CREB5: variants seen among roughly 807,000 people sequenced by gnomAD.
The protein encoded by CREB5 is cyclic AMP-responsive element-binding protein 5.
CREB5 carries 19 observed loss-of-function variants against 57.1 expected under a neutral mutation model. That is an observed-to-expected ratio of 0.33 (90% CI 0.23 to 0.49). CREB5 has a LOEUF of 0.49. Ranked by LOEUF, CREB5 falls within the 20% of genes least tolerant of loss-of-function variation. CREB5 has a pLI of 0.99. For synonymous variants in CREB5, 238 were observed against 238.3 expected (o/e 1.00, Z 0.01); for missense variants, 579 against 671.6 (o/e 0.86, Z 1.52).
chr7:28,643,669 C>G (rs1277384364), intron 5 of CREB5, among the ~76,000 whole-genome samples: 2 of 151,616 alleles, frequency 1.3e-5, no homozygotes, highest in African/African-American at 2.4e-5. Flanking sequence ...CCACAATCAC[C>G]ATCACTACTT....
chr7:28,796,644 TC>T (rs1418375315), intron 7 of CREB5, among the ~76,000 whole-genome samples: 9 of 152,234 alleles, frequency 5.9e-5, no homozygotes, highest in African/African-American at 2.2e-4. Context: ...CTGTTGTTTT[TC>T]TGAAGTTCTC....
chr7:28,584,142 G>A (rs1007500189), intron 5 of CREB5, among the ~76,000 whole-genome samples: 3 of 152,130 alleles, frequency 2.0e-5, no homozygotes, highest in Non-Finnish European at 2.9e-5. Flanking sequence ...GACTTCCTGA[G>A]GCCTCCTTCT....
chr7:28,535,961 T>G (rs1459782308), intron 4 of CREB5, among the ~76,000 whole-genome samples: 1 of 152,128 alleles, frequency 6.6e-6, no homozygotes, highest in Admixed American at 6.6e-5. Context: ...ACAACTTAAT[T>G]AAAACACATC....
intron 4 of CREB5, among the ~76,000 whole-genome samples, chr7:28,556,693 T>C (rs1432484157): frequency 6.6e-6 from 1 of 152,192 alleles, no homozygotes; most frequent in East Asian, 1.9e-4. Context: ...TCCAAGCCCA[T>C]TCTGTCCCTT....
chr7:28,312,512 G>C lies in CREB5; in HGVS notation c.-25+13071G>C, dbSNP rs192705997. On this transcript the variant is annotated intron_variant, in intron 1 of 9. Coordinates refer to the CREB5 transcript ENST00000396299. ...GCAGAAAGTCTCTGGTGTACAAAGG[G>C]GGAGGGAAGCGGGTGGAGGCGAAGG... is the stretch of plus-strand genomic sequence containing the variant. Among the ~76,000 whole-genome samples the C allele has an allele frequency of 3.2e-3, 483 of 152,286 alleles. 2 individuals carry two copies. Among genetic ancestry groups the C allele is most frequent in the African/African-American group, 0.011 (461 of 41,554 alleles).
chr7:28,661,135 T>G (rs1799594933), intron 5 of CREB5, among the ~76,000 whole-genome samples: 1 of 152,102 alleles, frequency 6.6e-6, no homozygotes, highest in Non-Finnish European at 1.5e-5. Context: ...TCAAGGATCT[T>G]GTTGTCTCTT....
chr7:28,366,097 C>T (rs1181827694), intron 1 of CREB5, among the ~76,000 whole-genome samples: 2 of 152,088 alleles, frequency 1.3e-5, no homozygotes, highest in Non-Finnish European at 2.9e-5. Flanking sequence ...TACATTGTTT[C>T]CTTTTTCCTT....
At chr7:28,762,422 A>G (rs551101649) in intron 7 of CREB5, among the ~76,000 whole-genome samples, 2 of 152,240 alleles carry the variant, frequency 1.3e-5, no homozygotes, top group Admixed American at 6.5e-5. Flanking sequence ...TAACTTTATT[A>G]TTTGCTGCTG....
intron 4 of CREB5, among the ~76,000 whole-genome samples, chr7:28,565,102 C>T (rs1211033427): frequency 6.6e-6 from 1 of 152,178 alleles, no homozygotes; most frequent in East Asian, 1.9e-4. Context: ...ACTCCCAAGC[C>T]TGTATATTTT....
chr7:28,565,404 A>G (rs569076588), intron 4 of CREB5, among the ~76,000 whole-genome samples: 4 of 152,286 alleles, frequency 2.6e-5, no homozygotes, highest in South Asian at 4.1e-4. Flanking sequence ...CCTTGAAAGT[A>G]TCACCCCATT....
At chr7:28,380,726 A>G (rs1002170649) in intron 1 of CREB5, among the ~76,000 whole-genome samples, 11 of 152,160 alleles carry the variant, frequency 7.2e-5, no homozygotes, top group Admixed American at 5.2e-4. Flanking sequence ...CACTGAAGGA[A>G]GCTGTCACCA....
At chr7:28,564,367 A>C (rs17156849) in intron 4 of CREB5, among the ~76,000 whole-genome samples, 2 of 152,170 alleles carry the variant, frequency 1.3e-5, no homozygotes, top group Non-Finnish European at 2.9e-5. Flanking sequence ...TTCACTTTCA[A>C]TTGTGGTCCA....
rs1285391404 is a variant in CREB5, at chr7:28,718,640, A to C, written c.465-113A>C. On this transcript the variant is annotated intron_variant, in intron 5 of 10. Transcript: ENST00000357727. Reference sequence around the variant, plus strand: ...TCCTCAATTATGTGACTCTCCCATCAGTGGATCTGATCTGCTGCACATGTG... The same window carrying C: ...TCCTCAATTATGTGACTCTCCCATCCGTGGATCTGATCTGCTGCACATGTG... 11 of 1,390,938 alleles carry C rather than the reference A, an allele frequency of 7.9e-6. No homozygotes were observed. The East Asian group carries it at 2.1e-4, about 27-fold the overall frequency. The allele number at this position is 1,390,938 out of a possible 1,614,324, so 86.2% of individuals were successfully genotyped here. A position where few individuals can be genotyped will look rare whatever the true frequency, so the allele number is the denominator to read the frequency against.
intron 1 of CREB5, among the ~76,000 whole-genome samples, chr7:28,302,206 A>T (rs948871371): frequency 1.3e-5 from 2 of 152,234 alleles, no homozygotes; most frequent in Non-Finnish European, 2.9e-5. Context: ...TTAAAGCACC[A>T]AATAAATAGC....
At chr7:28,742,928 G>A (rs1804456309) in intron 7 of CREB5, among the ~76,000 whole-genome samples, 1 of 152,040 alleles carries the variant, frequency 6.6e-6, no homozygotes, top group Non-Finnish European at 1.5e-5. Context: ...GATTACAGGT[G>A]TGCACCACCA....
chr7:28,661,267 C>T (rs1357185892), intron 5 of CREB5, among the ~76,000 whole-genome samples: 1 of 152,206 alleles, frequency 6.6e-6, no homozygotes, highest in Non-Finnish European at 1.5e-5. Flanking sequence ...TCCCCTGGTA[C>T]AGCCCACTCT....
At chr7:28,786,459 GC>G (rs1807333702) in intron 7 of CREB5, among the ~76,000 whole-genome samples, 1 of 152,106 alleles carries the variant, frequency 6.6e-6, no homozygotes, top group African/African-American at 2.4e-5. Flanking sequence ...TGTTGGCCAG[GC>G]TGGTCTCAAA....
chr7:28,668,641 G>A (rs17157006), intron 5 of CREB5, among the ~76,000 whole-genome samples: 1,653 of 152,232 alleles, frequency 0.011, 29 homozygotes, highest in African/African-American at 0.038. Flanking sequence ...AAAGGGTTAG[G>A]TTTTCTTCTA....
At chr7:28,306,546 GTTT>G in intron 1 of CREB5, among the ~76,000 whole-genome samples, 1 of 93,518 alleles carries the variant, frequency 1.1e-5, no homozygotes, top group African/African-American at 5.0e-5. Flanking sequence ...ATACAGTTTT[GTTT>G]TTTTTGTTTT....
Sources: allele counts gnomAD v4.1 joint callset (sites outside exome capture counted in the v4.1 genomes callset), GRCh38; gene constraint gnomAD v4.1.1; transcripts MANE v1.5; gene names NCBI Gene and HGNC (gene_info 2026-07-23, HGNC 2026-07-21).